Variants in UBR1 observed in about 807,000 individuals in gnomAD.
UBR1 encodes ubiquitin protein ligase E3 component n-recognin 1.
UBR1 carries 102 observed loss-of-function variants against 242.1 expected under a neutral mutation model. That is an observed-to-expected ratio of 0.42 (90% CI 0.36 to 0.50). UBR1 has a LOEUF of 0.50. Ranked by LOEUF, UBR1 falls within the 20% of genes least tolerant of loss-of-function variation. UBR1 has a pLI of 0.01. For missense variants in UBR1, 1,772 were observed against 2,101.8 expected, an observed-to-expected ratio of 0.84 and a Z score of 3.07; for synonymous variants, 675 against 684.8, an observed-to-expected ratio of 0.99 and a Z score of 0.22.
At chr15:42,985,921 C>A (rs2032451569) in intron 35 of UBR1, among the ~76,000 whole-genome samples, 1 of 141,694 alleles carries the variant, frequency 7.1e-6, no homozygotes, top group African/African-American at 2.7e-5. Flanking sequence ...CCTGGGGAGG[C>A]TAAGGCTGCA....
chr15:43,035,921 G>A (rs1437099242), intron 19 of UBR1, among the ~76,000 whole-genome samples: 1 of 134,458 alleles, frequency 7.4e-6, no homozygotes, highest in Non-Finnish European at 1.5e-5. Flanking sequence ...ACACTCTGGA[G>A]ACTGTGGTGG....
At chr15:42,992,352 T>C (rs2032569174) in intron 33 of UBR1, among the ~76,000 whole-genome samples, 2 of 152,234 alleles carry the variant, frequency 1.3e-5, no homozygotes, top group Admixed American at 6.5e-5. Context: ...TTATCTTGTA[T>C]ATTTGGAATA....
chr15:43,059,642 T>C (rs1157432474), intron 8 of UBR1, 60 bp downstream of exon 8: 2 of 1,595,094 alleles, frequency 1.3e-6, no homozygotes, highest in African/African-American at 2.7e-5. Context: ...ATTTTAAAAT[T>C]TGTGGCTATA....
At chr15:43,058,802 C>T (rs1328420918) in intron 9 of UBR1, among the ~76,000 whole-genome samples, 1 of 152,100 alleles carries the variant, frequency 6.6e-6, no homozygotes, top group Non-Finnish European at 1.5e-5. Flanking sequence ...AATGGCACTA[C>T]TACCTGAATA....
intron 1 of UBR1, among the ~76,000 whole-genome samples, chr15:43,092,574 A>T (rs1448004880): frequency 6.6e-6 from 1 of 152,106 alleles, no homozygotes; most frequent in African/African-American, 2.4e-5. Flanking sequence ...TTTTTTTCTA[A>T]GACAGAGTCT....
At chr15:43,084,607 C>G (rs769118199) in intron 2 of UBR1, among the ~76,000 whole-genome samples, 4 of 152,184 alleles carry the variant, frequency 2.6e-5, no homozygotes, top group Non-Finnish European at 4.4e-5. Context: ...AGGCGCCCAC[C>G]ACCATGCCTG....
intron 32 of UBR1, among the ~76,000 whole-genome samples, chr15:43,001,299 C>G (rs896622107): frequency 6.6e-6 from 1 of 152,054 alleles, no homozygotes; most frequent in Non-Finnish European, 1.5e-5. Context: ...AGGTGCCCAC[C>G]ATCACACCCA....
In UBR1 at chr15:43,027,643, C is replaced by T. The variant is rs555714991; in HGVS notation, c.2432+133G>A. ...GTCTACTGTGAGCCCCTCATTCTCA[C>T]CCTTTCTAATCTGTATTCCACTCTT... On this transcript the variant is annotated intron_variant, in intron 22 of 46. Coordinates refer to ENST00000290650, the MANE Select transcript of UBR1 (RefSeq NM_174916.3). 17 of 766,160 alleles carry T rather than the reference C, an allele frequency of 2.2e-5. No homozygotes were observed. In the South Asian group the frequency reaches 2.5e-4, roughly 11 times the overall value. 47.5% of individuals were successfully genotyped at this position (766,160 alleles called of 1,614,324 possible).
At chr15:42,992,674 A>G (rs1007895859) in intron 33 of UBR1, among the ~76,000 whole-genome samples, 1 of 152,182 alleles carries the variant, frequency 6.6e-6, no homozygotes, top group Non-Finnish European at 1.5e-5. Context: ...TGTGGACCTC[A>G]AAAATATGAG....
intron 37 of UBR1, 141 bp from the exon 38 acceptor site, chr15:42,978,088 G>A (rs2032317775): frequency 2.0e-5 from 14 of 693,592 alleles, no homozygotes; most frequent in Non-Finnish European, 5.1e-6. Flanking sequence ...TTTGAGATAT[G>A]AAAACCATAA....
chr15:43,022,641 A>T (rs2033124895), intron 26 of UBR1, 61 bp downstream of exon 26: 10 of 1,256,622 alleles, frequency 8.0e-6, no homozygotes, highest in Non-Finnish European at 9.2e-6. Flanking sequence ...TGACAAATTA[A>T]AACTCCTTAA....
chr15:43,026,551 T>C lies in UBR1; in HGVS notation c.2535+10A>G, dbSNP rs1219404788. 1 of 1,610,574 alleles carries C rather than the reference T, an allele frequency of 6.2e-7. No individual in the cohort carries two copies. The highest frequency in any genetic ancestry group is 1.1e-5 in the South Asian group (1 of 90,996). ...TAGGTTTATTTACTGAAAAGGATAC[T>C]TTTTTCTACCTTGCTATGCTGGGTT... On this transcript the variant is annotated intron_variant, in intron 23 of 46. Coordinates refer to ENST00000290650, the MANE Select transcript of UBR1 (RefSeq NM_174916.3).
At chr15:42,957,924 C>A in intron 44 of UBR1, 89 bp downstream of exon 44, 1 of 1,143,006 alleles carries the variant, frequency 8.7e-7, no homozygotes, top group Non-Finnish European at 1.3e-6. Flanking sequence ...AAAACAAAAA[C>A]AAGGAAGTGT....
chr15:42,992,668 G>C (rs1453590025), intron 33 of UBR1, among the ~76,000 whole-genome samples: 1 of 152,140 alleles, frequency 6.6e-6, no homozygotes, highest in Admixed American at 6.5e-5. Flanking sequence ...GACTTGTGTG[G>C]ACCTCAAAAA....
chr15:43,007,585 A>T, intron 29 of UBR1, among the ~76,000 whole-genome samples: 1 of 151,884 alleles, frequency 6.6e-6, no homozygotes. Context: ...TCTGGATATA[A>T]AAGTAATACA....
At position 43,004,947 on chromosome 15, in the gene UBR1, C is replaced by T. The variant is rs1394163143; in HGVS notation, c.3416-1017G>A. Among the ~76,000 whole-genome samples the T allele has an allele frequency of 2.6e-5, 4 of 151,572 alleles. No homozygotes were observed. The East Asian group carries it at 5.8e-4, about 22-fold the overall frequency. On this transcript the variant is annotated intron_variant, in intron 30 of 46. Transcript: ENST00000290650. ...CTAGGAAGTGAGGAGTGTCTCTGCC[C>T]GGCACCCATCGTCTGAGATGTGGGG...
At chr15:43,046,542 A>G (rs2033489045) in intron 14 of UBR1, among the ~76,000 whole-genome samples, 1 of 152,208 alleles carries the variant, frequency 6.6e-6, no homozygotes, top group African/African-American at 2.4e-5. Flanking sequence ...AGACTTAGAA[A>G]GAGACAAAAA....
chr15:43,074,188 T>C (rs1234124705), intron 4 of UBR1, among the ~76,000 whole-genome samples: 1 of 152,218 alleles, frequency 6.6e-6, no homozygotes, highest in Non-Finnish European at 1.5e-5. Flanking sequence ...ATAATCCTCG[T>C]GATTCCTTCT....
At chr15:42,957,985 C>T (rs369635544) in intron 44 of UBR1, 28 bp downstream of exon 44, 78 of 1,566,300 alleles carry the variant, frequency 5.0e-5, no homozygotes, top group Non-Finnish European at 5.8e-5. Context: ...TTTAAAATTA[C>T]ACACATATAT....
Sources: allele counts gnomAD v4.1 joint callset (sites outside exome capture counted in the v4.1 genomes callset), GRCh38; gene constraint gnomAD v4.1.1; transcripts MANE v1.5; gene names NCBI Gene and HGNC (gene_info 2026-07-23, HGNC 2026-07-21).